Variants in SYTL5 observed in about 807,000 individuals in gnomAD.
SYTL5 encodes the protein synaptotagmin like 5.
SYTL5 carries 34 observed loss-of-function variants against 55.9 expected under a neutral mutation model. The observed-to-expected ratio is 0.61, with a 90% CI of 0.46 to 0.81. The LOEUF (loss-of-function observed/expected upper bound fraction) is 0.81, where lower values mean the gene tolerates loss of function less well. SYTL5 is among the 30% of genes least tolerant of loss of function. SYTL5 has a pLI of 0.00. For synonymous variants in SYTL5, 221 were observed against 188.7 expected (o/e 1.17, Z -1.40); for missense variants, 637 against 546.7 (o/e 1.17, Z -1.65).
At chrX:38,047,425 G>A (rs1244287583) in intron 2 of SYTL5, among the ~76,000 whole-genome samples, 3 of 113,101 alleles carry the variant, frequency 2.7e-5, no homozygotes, top group Non-Finnish European at 3.7e-5. Context: ...TGAAGCCGTG[G>A]TCTGAGCTCT....
the SYTL5 span, among the ~76,000 whole-genome samples, chrX:37,937,326 G>A: frequency 6.3e-5 from 7 of 110,872 alleles, no homozygotes; most frequent in Non-Finnish European, 1.3e-4. Context: ...GAGGGCAGAC[G>A]GGAATGTCAG....
chrX:38,103,286 G>A (rs1434068797), intron 10 of SYTL5, among the ~76,000 whole-genome samples: 1 of 112,100 alleles, frequency 8.9e-6, no homozygotes, highest in Non-Finnish European at 1.9e-5. Flanking sequence ...ATTGGAATCT[G>A]AACACCACTC....
At chrX:37,956,133 C>T in the SYTL5 span, among the ~76,000 whole-genome samples, 6 of 111,992 alleles carry the variant, frequency 5.4e-5, no homozygotes, top group African/African-American at 1.9e-4. Context: ...CTATTGTGGC[C>T]AGAGATTTTA....
chrX:37,903,340 C>T, the SYTL5 span, among the ~76,000 whole-genome samples: 164 of 105,854 alleles, frequency 1.5e-3, 1 homozygote, highest in African/African-American at 4.7e-3. Flanking sequence ...GAAAATGTGG[C>T]ACATATACAC....
the SYTL5 span, among the ~76,000 whole-genome samples, chrX:37,896,689 T>G: frequency 8.9e-6 from 1 of 111,850 alleles, no homozygotes; most frequent in African/African-American, 3.2e-5. Flanking sequence ...GAAATGTGAA[T>G]GAGGCCATTC....
the SYTL5 span, among the ~76,000 whole-genome samples, chrX:37,930,787 T>C: frequency 2.7e-5 from 3 of 112,239 alleles, no homozygotes; most frequent in African/African-American, 9.7e-5. Context: ...CTCTCTACTA[T>C]AATGCTGTGT....
intron 2 of SYTL5, among the ~76,000 whole-genome samples, chrX:38,043,200 A>G (rs1935335797): frequency 9.0e-6 from 1 of 111,019 alleles, no homozygotes; most frequent in African/African-American, 3.3e-5. Context: ...AATACCATAA[A>G]CCTCAATCCA....
the SYTL5 span, among the ~76,000 whole-genome samples, chrX:37,938,171 G>A: frequency 4.5e-4 from 50 of 112,202 alleles, no homozygotes; most frequent in African/African-American, 1.5e-3. Context: ...GAATGTACAG[G>A]TTTGGAAAGT....
At chrX:38,021,699 G>T (rs747653115) in intron 1 of SYTL5, among the ~76,000 whole-genome samples, 96 of 112,177 alleles carry the variant, frequency 8.6e-4, no homozygotes, top group Non-Finnish European at 1.7e-3. Context: ...TTAAGGAGTT[G>T]TAAGTAGAAA....
At chrX:37,926,221 C>T in the SYTL5 span, among the ~76,000 whole-genome samples, 2 of 111,644 alleles carry the variant, frequency 1.8e-5, no homozygotes, top group African/African-American at 3.2e-5. Context: ...ACTTCCCTGA[C>T]GATTAGTGAT....
At chrX:38,089,977 A>C (rs1569182852) in intron 7 of SYTL5, among the ~76,000 whole-genome samples, 1 of 112,011 alleles carries the variant, frequency 8.9e-6, no homozygotes, top group East Asian at 2.8e-4. Context: ...CAGCATGGCT[A>C]GGTTTCAACT....
chrX:37,969,093 G>C, the SYTL5 span, among the ~76,000 whole-genome samples: 78 of 111,441 alleles, frequency 7.0e-4, no homozygotes, highest in Non-Finnish European at 1.2e-3. Flanking sequence ...ATCCGTATAA[G>C]TTCCTTTATT....
At chrX:37,910,529 G>T in the SYTL5 span, among the ~76,000 whole-genome samples, 1 of 112,047 alleles carries the variant, frequency 8.9e-6, no homozygotes, top group African/African-American at 3.2e-5. Context: ...TTTAATGTGC[G>T]CACCAGTCAC....
At chrX:37,905,695 C>A in the SYTL5 span, among the ~76,000 whole-genome samples, 1 of 112,380 alleles carries the variant, frequency 8.9e-6, no homozygotes, top group Admixed American at 9.3e-5. Flanking sequence ...TGCAAAGCCG[C>A]GTCCAGGTAG....
chrX:37,892,449 C>T, the SYTL5 span, among the ~76,000 whole-genome samples: 1 of 100,613 alleles, frequency 9.9e-6, no homozygotes, highest in Admixed American at 1.1e-4. Flanking sequence ...TTGAATAACA[C>T]CTTTGACATA....
chrX:38,125,619 G>A (rs377553151), intron 16 of SYTL5, 113 bp downstream of exon 16: 1 of 532,133 alleles, frequency 1.9e-6, no homozygotes, highest in Non-Finnish European at 3.2e-6. Flanking sequence ...GCTAAATCCT[G>A]AAATTACCAC....
At chrX:37,994,997 C>G in the SYTL5 span, among the ~76,000 whole-genome samples, 7 of 110,930 alleles carry the variant, frequency 6.3e-5, no homozygotes, top group Non-Finnish European at 1.1e-4. Context: ...AGAGCTGAAG[C>G]GGGGGAAGGG....
the SYTL5 span, among the ~76,000 whole-genome samples, chrX:37,941,104 T>C: frequency 8.9e-6 from 1 of 111,888 alleles, no homozygotes; most frequent in Non-Finnish European, 1.9e-5. Flanking sequence ...TATCATGCCT[T>C]ACAATGACAA....
At chrX:38,049,083 G>T (rs937239927) in intron 2 of SYTL5, among the ~76,000 whole-genome samples, 1 of 111,382 alleles carries the variant, frequency 9.0e-6, no homozygotes, top group African/African-American at 3.3e-5. Flanking sequence ...GAATCAGGCT[G>T]CTGTGACATT....
Sources: gnomAD v4.1 joint callset for allele counts (sites outside exome capture counted in the v4.1 genomes callset) on GRCh38, gnomAD v4.1.1 for gene constraint, MANE v1.5 for transcripts, NCBI Gene and HGNC (gene_info 2026-07-23, HGNC 2026-07-21) for gene names.